CTNNA2: variants seen among roughly 807,000 people sequenced by gnomAD.
CTNNA2 encodes catenin alpha 2.
A neutral mutation model predicts 101.0 loss-of-function variants in CTNNA2; 42 were observed. The ratio of observed to expected loss-of-function variants is 0.42; its 90% CI spans 0.32 to 0.54. The LOEUF (loss-of-function observed/expected upper bound fraction) is 0.54. Among genes scored for constraint, CTNNA2 ranks in the 20% least tolerant of loss-of-function variants. CTNNA2 has a pLI of 0.14. For missense variants in CTNNA2, 871 were observed against 1,223.1 expected (o/e 0.71, Z 4.29); for synonymous variants, 450 against 456.4 (o/e 0.99, Z 0.18).
intron 7 of CTNNA2, among the ~76,000 whole-genome samples, chr2:80,041,609 G>T (rs1696061298): frequency 1.3e-5 from 2 of 152,120 alleles, no homozygotes; most frequent in South Asian, 2.1e-4. Flanking sequence ...TGGAGGAAAA[G>T]AATAATTGTG....
intron 7 of CTNNA2, among the ~76,000 whole-genome samples, chr2:80,106,481 G>C (rs894579556): frequency 2.6e-5 from 4 of 152,060 alleles, no homozygotes; most frequent in African/African-American, 7.2e-5. Flanking sequence ...TTGGTTTTTT[G>C]GAACAGAGGA....
intron 1 of CTNNA2, among the ~76,000 whole-genome samples, chr2:79,628,954 A>C (rs1385951197): frequency 6.6e-6 from 1 of 152,186 alleles, no homozygotes; most frequent in African/African-American, 2.4e-5. Flanking sequence ...GACAAAATAT[A>C]AATTGATGTA....
intron 3 of CTNNA2, among the ~76,000 whole-genome samples, chr2:79,854,787 A>G (rs1235018709): frequency 1.3e-5 from 2 of 152,206 alleles, no homozygotes; most frequent in Non-Finnish European, 2.9e-5. Context: ...ACAAGAATGT[A>G]TATAAAAGAA....
At chr2:79,337,450 G>C (rs1204880570) in intron 3 of CTNNA2, among the ~76,000 whole-genome samples, 4 of 152,132 alleles carry the variant, frequency 2.6e-5, no homozygotes, top group Admixed American at 6.6e-5. Context: ...ATTAAAAAAT[G>C]CTCACAGCAT....
chr2:79,418,240 G>A (rs6724016), intron 4 of CTNNA2, among the ~76,000 whole-genome samples: 44,411 of 151,842 alleles, frequency 0.29, 6,617 homozygotes, highest in South Asian at 0.44. Flanking sequence ...GGGAAGTTGC[G>A]TGTCTTGTGA....
At chr2:80,220,160 C>T (rs990267488) in intron 7 of CTNNA2, among the ~76,000 whole-genome samples, 1 of 152,154 alleles carries the variant, frequency 6.6e-6, no homozygotes, top group Admixed American at 6.5e-5. Flanking sequence ...TGTAAAAGTT[C>T]ACGATTTAAA....
intron 2 of CTNNA2, among the ~76,000 whole-genome samples, chr2:79,698,151 T>C (rs73938783): frequency 0.012 from 1,897 of 152,206 alleles, 47 homozygotes; most frequent in African/African-American, 0.043. Flanking sequence ...TTTTAAGCAC[T>C]ACTTTTTTTA....
intron 7 of CTNNA2, among the ~76,000 whole-genome samples, chr2:80,264,501 T>A (rs1672857363): frequency 6.6e-6 from 1 of 152,182 alleles, no homozygotes; most frequent in Non-Finnish European, 1.5e-5. Context: ...TTTGACTGCA[T>A]TATTCATTGG....
At chr2:79,570,523 C>G (rs1030219436) in intron 1 of CTNNA2, among the ~76,000 whole-genome samples, 1 of 151,968 alleles carries the variant, frequency 6.6e-6, no homozygotes, top group Non-Finnish European at 1.5e-5. Flanking sequence ...CGATTGTAAC[C>G]TATCAGCATA....
chr2:79,842,304 C>T (rs1052733978), intron 3 of CTNNA2, among the ~76,000 whole-genome samples: 1 of 152,092 alleles, frequency 6.6e-6, no homozygotes, highest in East Asian at 1.9e-4. Context: ...GTTTTTTAGC[C>T]TCTGGCAAAA....
chr2:80,303,021 C>T lies in CTNNA2; in HGVS notation c.1057-90190C>T. The T allele has an allele frequency of 6.2e-7, 1 of 1,613,798 alleles. No individual in the cohort carries two copies. The highest frequency in any genetic ancestry group is 8.5e-7 in the Non-Finnish European group (1 of 1,179,966). On this transcript the variant is annotated intron_variant, in intron 7 of 18. Coordinates refer to ENST00000402739, the MANE Select transcript of CTNNA2 (RefSeq NM_001282597.3). This position sits in a 1 kb window ranked among gnomAD's most constrained non-coding sequence, Gnocchi z 7.7. Reference sequence around the variant, plus strand: ...ACATGGGGCTCCATGTACTCGATCTCGTTGCCCGACAAGTCCATTTTCTCC... The same window carrying T: ...ACATGGGGCTCCATGTACTCGATCTTGTTGCCCGACAAGTCCATTTTCTCC...
chr2:79,318,288 T>C (rs1356747389), intron 3 of CTNNA2, among the ~76,000 whole-genome samples: 1 of 152,148 alleles, frequency 6.6e-6, no homozygotes, highest in African/African-American at 2.4e-5. Context: ...TCGTTGTTCT[T>C]CTTGGTGCTA....
chr2:79,203,728 C>G (rs1025703842), intron 2 of CTNNA2, among the ~76,000 whole-genome samples: 2 of 152,190 alleles, frequency 1.3e-5, no homozygotes, highest in African/African-American at 4.8e-5. Flanking sequence ...TTTTCTTTGT[C>G]AAAGCATTAA....
At chr2:79,815,979 G>T (rs145047938) in intron 3 of CTNNA2, among the ~76,000 whole-genome samples, 15,868 of 150,514 alleles carry the variant, frequency 0.11, 1,176 homozygotes, top group African/African-American at 0.21. Context: ...CACCTCCTTG[G>T]TTAGGTGTAT....
chr2:80,296,772 A>G (rs1675783571), intron 7 of CTNNA2, among the ~76,000 whole-genome samples: 1 of 152,088 alleles, frequency 6.6e-6, no homozygotes, highest in African/African-American at 2.4e-5. Flanking sequence ...TGCTTGTAGG[A>G]TGTTTCACAG....
At chr2:79,714,048 C>T (rs6725030) in intron 2 of CTNNA2, among the ~76,000 whole-genome samples, 18,131 of 152,056 alleles carry the variant, frequency 0.12, 1,500 homozygotes, top group African/African-American at 0.24. Flanking sequence ...TTCCACCCTG[C>T]TTGTCCCTCC....
chr2:79,913,136 G>C (rs2104339882), intron 7 of CTNNA2, among the ~76,000 whole-genome samples: 1 of 152,322 alleles, frequency 6.6e-6, no homozygotes, highest in South Asian at 2.1e-4. Flanking sequence ...ATATGAGCAA[G>C]AGTCACTTCA....
chr2:79,849,209 A>G (rs978705665), intron 3 of CTNNA2, among the ~76,000 whole-genome samples: 4 of 151,948 alleles, frequency 2.6e-5, no homozygotes, highest in African/African-American at 9.7e-5. Context: ...GGAGCCCACT[A>G]CCCTTGGTAG....
chr2:79,329,102 A>G (rs1422707736), intron 3 of CTNNA2, among the ~76,000 whole-genome samples: 1 of 151,976 alleles, frequency 6.6e-6, no homozygotes, highest in Non-Finnish European at 1.5e-5. Context: ...ATATGCAAAG[A>G]CCCTATTTCC....
Sources: gnomAD v4.1 joint callset for allele counts (sites outside exome capture counted in the v4.1 genomes callset) on GRCh38, gnomAD v4.1.1 for gene constraint, Gnocchi (gnomAD v3.1) non-coding constraint, MANE v1.5 for transcripts, NCBI Gene and HGNC (gene_info 2026-07-23, HGNC 2026-07-21) for gene names.